ABI1: variants seen among roughly 807,000 people sequenced by gnomAD.
ABI1 encodes the protein abl interactor 1, also known as Abelson interactor 1.
In ABI1, 14 loss-of-function variants were observed where a neutral mutation model predicts 54.6. The observed-to-expected ratio is 0.26, with a 90% CI of 0.17 to 0.40. ABI1 has a LOEUF of 0.40. ABI1 is among the 10% of genes least tolerant of loss of function. The pLI is 1.00. For synonymous variants in ABI1, 194 were observed against 209.3 expected (o/e 0.93, Z 0.63); for missense variants, 443 against 598.3 (o/e 0.74, Z 2.71).
intron 6 of ABI1, 152 bp from the exon 7 acceptor site, chr10:26,765,470 ACC>A: frequency 3.2e-6 from 2 of 629,324 alleles, no homozygotes; most frequent in Non-Finnish European, 5.4e-6. Flanking sequence ...CCCCTTGGAT[ACC>A]AAAACCCATG....
chr10:26,783,748 T>C (rs563906420), intron 2 of ABI1, among the ~76,000 whole-genome samples: 4 of 152,330 alleles, frequency 2.6e-5, no homozygotes, highest in African/African-American at 4.8e-5. Flanking sequence ...CCACCTGGAA[T>C]TGACGATCTG....
intron 1 of ABI1, among the ~76,000 whole-genome samples, chr10:26,836,326 T>G (rs1388657964): frequency 6.6e-6 from 1 of 152,094 alleles, no homozygotes; most frequent in Admixed American, 6.5e-5. Flanking sequence ...TTAGCCAGCC[T>G]GGTCTCGAAC....
chr10:26,804,858 T>C (rs1360135731), intron 2 of ABI1, among the ~76,000 whole-genome samples: 1 of 152,210 alleles, frequency 6.6e-6, no homozygotes, highest in Non-Finnish European at 1.5e-5. Context: ...TGCCAGTTAC[T>C]ATGTAATAAA....
intron 2 of ABI1, among the ~76,000 whole-genome samples, chr10:26,788,160 G>A (rs1842937611): frequency 6.6e-6 from 1 of 152,122 alleles, no homozygotes; most frequent in South Asian, 2.1e-4. Context: ...TTTAATCAGG[G>A]GTTTCCACTT....
rs1380602804 is a variant in ABI1 at position 26,759,100 on chromosome 10, G to C, written c.959C>G (p.Pro320Arg). Reference protein sequence around the residue: ...PSVTAQFSAQPHVNGGPLYSQ... With the variant: ...PSVTAQFSAQRHVNGGPLYSQ... Reference sequence around the variant, plus strand: ...ATAAAGTGGACCTCCATTAACATGAGGCTGAGCAGAAAATTGAGCAGTCAC... The same window carrying C: ...ATAAAGTGGACCTCCATTAACATGACGCTGAGCAGAAAATTGAGCAGTCAC... The change falls in exon 8 of 11, where the codon CCT (proline) becomes CGT (arginine). Residue 320 changes from proline to arginine, a missense_variant. Physicochemically the swap from Pro to Arg is moderately radical, Grantham distance 103. This residue lies in a region of ABI1 where 394 missense variants were observed against 484.8 expected (regional missense o/e 0.81). Transcript: ENST00000376140. 6.2e-7 allele frequency: 1 copy of C among 1,614,008 alleles called. No homozygotes were observed.
intron 1 of ABI1, chr10:26,839,769 A>T (rs951286129): frequency 1.4e-6 from 1 of 701,954 alleles, no homozygotes; most frequent in Non-Finnish European, 2.6e-6. Context: ...ACAGCAACAC[A>T]GCAAAACCAT....
intron 1 of ABI1, among the ~76,000 whole-genome samples, chr10:26,852,896 A>G (rs1035727460): frequency 6.6e-6 from 1 of 152,200 alleles, no homozygotes; most frequent in African/African-American, 2.4e-5. Context: ...GCAAAATCCC[A>G]TCTCTACAAA....
At chr10:26,759,292 C>T in intron 7 of ABI1, 54 bp from the exon 8 acceptor site, 1 of 1,513,986 alleles carries the variant, frequency 6.6e-7, no homozygotes, top group Non-Finnish European at 8.9e-7. Context: ...ATTGTAATCA[C>T]CTTAGATGGC....
intron 1 of ABI1, among the ~76,000 whole-genome samples, chr10:26,847,540 C>G (rs957080577): frequency 6.6e-6 from 1 of 151,926 alleles, no homozygotes; most frequent in Non-Finnish European, 1.5e-5. Context: ...GGGAGGATTG[C>G]TTGAGCCCAG....
At chr10:26,791,422 G>T (rs1028461820) in intron 2 of ABI1, among the ~76,000 whole-genome samples, 3 of 152,124 alleles carry the variant, frequency 2.0e-5, no homozygotes, top group Non-Finnish European at 4.4e-5. Context: ...ACACCCGATT[G>T]TCCCCCTTCT....
intron 3 of ABI1, among the ~76,000 whole-genome samples, chr10:26,773,215 C>CTTTTTTTTTCTTTTTTTTTTTTTTTTTT (rs1840937131): frequency 1.1e-5 from 1 of 92,528 alleles, no homozygotes; most frequent in African/African-American, 4.5e-5. Context: ...AATGCTAATT[C>CTTTTTTTTTCTTTTTTTTTTTTTTTTTT]TTTTTTTTTT....
intron 2 of ABI1, among the ~76,000 whole-genome samples, chr10:26,810,851 T>C (rs2047186472): frequency 6.6e-6 from 1 of 151,902 alleles, no homozygotes; most frequent in Admixed American, 6.6e-5. Context: ...AAATTATATT[T>C]TAGCCAAAAT....
At position 26,768,361 on chromosome 10, in the gene ABI1, C is replaced by T. The variant is rs190788069; in HGVS notation, c.719+491G>A. 1.0e-3 allele frequency among the ~76,000 whole-genome samples: 157 copies of T among 151,582 alleles called. 1 individual carries two copies. Among genetic ancestry groups the T allele is most frequent in the Non-Finnish European group, 1.8e-3 (122 of 67,872 alleles). ...GGGAGTTGGAAACCAGCCTGACCAACATGCAGAAACCCCGTCTCAACTCAA... is the reference window on the plus strand; with the variant it reads ...GGGAGTTGGAAACCAGCCTGACCAATATGCAGAAACCCCGTCTCAACTCAA... On this transcript the variant is annotated intron_variant, in intron 6 of 10. Coordinates refer to ENST00000376140, the MANE Select transcript of ABI1 (RefSeq NM_001012750.3).
chr10:26,845,029 T>C (rs1378687041), intron 1 of ABI1, among the ~76,000 whole-genome samples: 3 of 151,962 alleles, frequency 2.0e-5, no homozygotes, highest in South Asian at 2.1e-4. Flanking sequence ...AAAACAAGCA[T>C]ACAGTTTGAG....
intron 1 of ABI1, among the ~76,000 whole-genome samples, chr10:26,829,175 C>G (rs1052770393): frequency 2.7e-5 from 4 of 149,924 alleles, no homozygotes; most frequent in African/African-American, 9.8e-5. Context: ...GCAGTGAGCC[C>G]AGATCGCGCC....
chr10:26,770,217 C>G, intron 5 of ABI1, 28 bp downstream of exon 5: 1 of 1,588,030 alleles, frequency 6.3e-7, no homozygotes, highest in African/African-American at 1.3e-5. Context: ...CATATGAATT[C>G]TTTTGCAAAA....
intron 2 of ABI1, among the ~76,000 whole-genome samples, chr10:26,780,503 G>A (rs955921004): frequency 1.1e-4 from 16 of 152,152 alleles, no homozygotes; most frequent in Non-Finnish European, 5.9e-5. Context: ...ACAGGGTTTT[G>A]GTAGCACCAA....
chr10:26,759,144 T>A lies in ABI1; in HGVS notation c.915A>T (p.Gly305=). Residue 305 remains glycine, a synonymous_variant, in exon 8 of 11, where the codon GGA becomes GGT. Transcript: ENST00000376140. ...NSTTSSTSSG[G]YRRTPSVTAQ... ...CAGTCACAGAGGGAGTTCGTCTGTA[T>A]CCACCAGAAGATGTCGAAGAAGTAG... The A allele has an allele frequency of 6.2e-7, 1 of 1,614,100 alleles. No individual in the cohort carries two copies. Among genetic ancestry groups the A allele is most frequent in the South Asian group, 1.1e-5 (1 of 91,086 alleles).
chr10:26,773,998 C>A (rs145831939), intron 3 of ABI1, among the ~76,000 whole-genome samples: 7 of 152,290 alleles, frequency 4.6e-5, no homozygotes, highest in African/African-American at 1.7e-4. Context: ...CACAAACACA[C>A]AGTAATCCAG....
Sources: allele counts gnomAD v4.1 joint callset (sites outside exome capture counted in the v4.1 genomes callset), GRCh38; gene constraint gnomAD v4.1.1; regional missense constraint gnomAD v4.1.1; transcripts MANE v1.5; gene names NCBI Gene and HGNC (gene_info 2026-07-23, HGNC 2026-07-21).